Variants in SNX13 observed in about 807,000 individuals in gnomAD.
SNX13 encodes the protein sorting nexin-13.
SNX13 carries 45 observed loss-of-function variants against 133.6 expected under a neutral mutation model. The ratio of observed to expected loss-of-function variants is 0.34; its 90% confidence interval spans 0.27 to 0.43. The LOEUF is 0.43. Among genes scored for constraint, SNX13 ranks in the 20% least tolerant of loss-of-function variants. The probability of loss-of-function intolerance (pLI) is 1.00; values close to 1 mark genes in which losing one functional copy is unlikely to be tolerated. For missense variants in SNX13, 1,032 were observed against 1,145.1 expected, an observed-to-expected ratio of 0.90 and a Z score of 1.43; for synonymous variants, 414 against 373.9, an observed-to-expected ratio of 1.11 and a Z score of -1.24.
At chr7:17,867,138 T>G (rs926220597) in intron 9 of SNX13, among the ~76,000 whole-genome samples, 1 of 152,204 alleles carries the variant, frequency 6.6e-6, no homozygotes, top group African/African-American at 2.4e-5. Flanking sequence ...TGCAGATATG[T>G]GTATTTTCAA....
At chr7:17,854,355 T>C (rs1002070497) in intron 9 of SNX13, among the ~76,000 whole-genome samples, 1 of 152,172 alleles carries the variant, frequency 6.6e-6, no homozygotes, top group African/African-American at 2.4e-5. Flanking sequence ...ACTAAAATAA[T>C]AATGGTTATA....
At chr7:17,936,343 ACT>A (rs1354473647) in intron 1 of SNX13, among the ~76,000 whole-genome samples, 5 of 152,194 alleles carry the variant, frequency 3.3e-5, no homozygotes, top group African/African-American at 9.7e-5. Context: ...AGATCTGTTA[ACT>A]CTGAGAATCA....
chr7:17,816,096 CTG>C (rs1786626594), intron 19 of SNX13, 84 bp downstream of exon 19: 2 of 1,373,510 alleles, frequency 1.5e-6, no homozygotes, highest in Non-Finnish European at 1.9e-6. Flanking sequence ...TAAAAACATT[CTG>C]TGTGCTATAT....
intron 20 of SNX13, among the ~76,000 whole-genome samples, chr7:17,810,919 T>C (rs908890918): frequency 6.6e-6 from 1 of 152,134 alleles, no homozygotes; most frequent in African/African-American, 2.4e-5. Flanking sequence ...ATTATCTCAA[T>C]AGATGCAGAA....
Position 17,793,883 on chromosome 7 carries a change from G to C in SNX13, c.*162C>G. On this transcript the variant is annotated 3_prime_UTR_variant, in exon 26 of 26. Transcript: ENST00000428135. ...TCTCTCTTGGTAGTGGTGGATTATA[G>C]ATGAGAATGAGAAGAACCACAGACT... The C allele has an allele frequency of 1.4e-6, 1 of 709,510 alleles. No individual in the cohort carries two copies. The highest frequency in any genetic ancestry group is 2.2e-6 in the Non-Finnish European group (1 of 458,066). 44.0% of individuals were successfully genotyped at this position (709,510 alleles called of 1,614,324 possible).
chr7:17,913,982 T>C (rs1025191154), intron 1 of SNX13, among the ~76,000 whole-genome samples: 2 of 151,802 alleles, frequency 1.3e-5, no homozygotes, highest in African/African-American at 2.4e-5. Flanking sequence ...AAGAGAAAGA[T>C]GAAATCCAAC....
intron 5 of SNX13, among the ~76,000 whole-genome samples, chr7:17,878,282 G>A (rs1001838834): frequency 2.6e-5 from 4 of 151,996 alleles, no homozygotes; most frequent in African/African-American, 9.7e-5. Flanking sequence ...ACCGACACTT[G>A]AGCTTTATTA....
At chr7:17,896,803 G>T (rs1161615037) in intron 2 of SNX13, among the ~76,000 whole-genome samples, 4 of 151,958 alleles carry the variant, frequency 2.6e-5, no homozygotes, top group African/African-American at 9.7e-5. Context: ...AACCTCTCTT[G>T]TAAAGGTTTA....
chr7:17,819,735 G>A (rs985747079), intron 18 of SNX13, among the ~76,000 whole-genome samples: 5 of 152,000 alleles, frequency 3.3e-5, no homozygotes, highest in African/African-American at 1.2e-4. Context: ...GAGCTAAAAG[G>A]CAAAGACCCT....
chr7:17,812,100 T>C (rs781750951), intron 20 of SNX13, among the ~76,000 whole-genome samples: 2 of 152,116 alleles, frequency 1.3e-5, no homozygotes, highest in African/African-American at 2.4e-5. Flanking sequence ...AAAGACTTCA[T>C]GACTAAAACA....
intron 16 of SNX13, among the ~76,000 whole-genome samples, chr7:17,827,846 A>G (rs1333434633): frequency 1.3e-5 from 2 of 151,888 alleles, no homozygotes. Flanking sequence ...CTTTACTTCA[A>G]TATTTTTATG....
intron 4 of SNX13, 35 bp downstream of exon 4, chr7:17,891,511 T>A: frequency 6.8e-7 from 1 of 1,475,160 alleles, no homozygotes; most frequent in Non-Finnish European, 9.5e-7. Context: ...TAGAACACAA[T>A]ATATAGAATT....
chr7:17,921,949 A>G (rs1053941543), intron 1 of SNX13, among the ~76,000 whole-genome samples: 1 of 152,204 alleles, frequency 6.6e-6, no homozygotes, highest in African/African-American at 2.4e-5. Flanking sequence ...GCTACTTTTA[A>G]TATCATAAGC....
intron 12 of SNX13, among the ~76,000 whole-genome samples, chr7:17,840,486 A>C (rs1254185472): frequency 1.3e-5 from 2 of 152,142 alleles, no homozygotes; most frequent in East Asian, 3.9e-4. Flanking sequence ...ATGGTATAAA[A>C]ACAAAATCCC....
chr7:17,802,131 G>A (rs536194084), intron 21 of SNX13, among the ~76,000 whole-genome samples: 1 of 152,106 alleles, frequency 6.6e-6, no homozygotes, highest in East Asian at 1.9e-4. Context: ...TACTGTAAAG[G>A]TTAGTAGCCT....
chr7:17,858,944 C>T (rs1019217473), intron 9 of SNX13, among the ~76,000 whole-genome samples: 1 of 152,012 alleles, frequency 6.6e-6, no homozygotes, highest in Non-Finnish European at 1.5e-5. Context: ...ATATTCCACA[C>T]ACATAAAAAT....
intron 8 of SNX13, among the ~76,000 whole-genome samples, chr7:17,872,623 T>C (rs1297778181): frequency 6.6e-6 from 1 of 152,180 alleles, no homozygotes. Context: ...ACCATTAACA[T>C]ACCTGAGAAG....
At chr7:17,834,675 T>G in intron 14 of SNX13, 86 bp downstream of exon 14, 3 of 815,336 alleles carry the variant, frequency 3.7e-6, no homozygotes, top group Non-Finnish European at 5.6e-6. Context: ...ACTCTACTTT[T>G]AGAAAGTTTT....
intron 9 of SNX13, among the ~76,000 whole-genome samples, chr7:17,851,794 A>T (rs991045580): frequency 6.6e-6 from 1 of 152,178 alleles, no homozygotes; most frequent in Non-Finnish European, 1.5e-5. Context: ...GATCCCATTA[A>T]ATATAAAAAT....
Sources: gnomAD v4.1 joint callset for allele counts (sites outside exome capture counted in the v4.1 genomes callset) on GRCh38, gnomAD v4.1.1 for gene constraint, MANE v1.5 for transcripts, NCBI Gene and HGNC (gene_info 2026-07-23, HGNC 2026-07-21) for gene names.